PTPRD: variants seen among roughly 807,000 people sequenced by gnomAD.
PTPRD encodes protein tyrosine phosphatase receptor type D, also known as receptor-type tyrosine-protein phosphatase delta.
PTPRD carries 34 observed loss-of-function variants against 214.5 expected under a neutral mutation model. That is an observed-to-expected ratio of 0.16 (90% CI 0.12 to 0.21). PTPRD has a LOEUF of 0.21. Ranked by LOEUF, PTPRD falls within the 10% of genes least tolerant of loss-of-function variation. The pLI, the probability that PTPRD is intolerant of heterozygous loss-of-function variation, is 1.00. For missense variants in PTPRD, 2,545 were observed against 2,398.7 expected (o/e 1.06, Z -1.27); for synonymous variants, 1,128 against 845.7 (o/e 1.33, Z -5.79).
chr9:9,650,558 A>G (rs2096312390), intron 7 of PTPRD, among the ~76,000 whole-genome samples: 1 of 152,084 alleles, frequency 6.6e-6, no homozygotes, highest in South Asian at 2.1e-4. Flanking sequence ...TGGTATCAGG[A>G]TGATGCTGGC....
chr9:9,429,217 A>ATT (rs2082140990), intron 8 of PTPRD, among the ~76,000 whole-genome samples: 1 of 152,222 alleles, frequency 6.6e-6, no homozygotes, highest in Non-Finnish European at 1.5e-5. Flanking sequence ...GACAAAGGGG[A>ATT]TATCACCACT....
chr9:9,234,047 A>T (rs918596133), intron 9 of PTPRD, among the ~76,000 whole-genome samples: 10 of 152,072 alleles, frequency 6.6e-5, no homozygotes, highest in African/African-American at 2.4e-4. Flanking sequence ...CCAACCCCAC[A>T]TTTCCCTTCT....
intron 9 of PTPRD, among the ~76,000 whole-genome samples, chr9:9,249,222 T>A (rs1300670910): frequency 6.6e-6 from 1 of 151,962 alleles, no homozygotes; most frequent in Non-Finnish European, 1.5e-5. Context: ...CTCTCTCTTG[T>A]TTCCTTTCTC....
chr9:10,604,827 T>C (rs186795420), intron 2 of PTPRD, among the ~76,000 whole-genome samples: 2 of 151,894 alleles, frequency 1.3e-5, no homozygotes, highest in African/African-American at 4.8e-5. Context: ...ATGGGAAATA[T>C]TTTTTCTATA....
At chr9:8,464,210 T>C (rs573615551) in intron 32 of PTPRD, among the ~76,000 whole-genome samples, 1 of 152,070 alleles carries the variant, frequency 6.6e-6, no homozygotes, top group Admixed American at 6.6e-5. Context: ...TCTACCTCAA[T>C]GCTCTAAGTA....
At chr9:10,586,625 T>A (rs1318832203) in intron 2 of PTPRD, among the ~76,000 whole-genome samples, 1 of 152,076 alleles carries the variant, frequency 6.6e-6, no homozygotes, top group Non-Finnish European at 1.5e-5. Context: ...CAGGTTTGCT[T>A]GCGGGCATAA....
At chr9:10,378,558 A>T (rs941622716) in intron 2 of PTPRD, among the ~76,000 whole-genome samples, 11 of 151,998 alleles carry the variant, frequency 7.2e-5, no homozygotes, top group African/African-American at 1.9e-4. Context: ...TCCAAGAATC[A>T]TTTATTGAAG....
intron 3 of PTPRD, among the ~76,000 whole-genome samples, chr9:10,155,155 C>T (rs547491627): frequency 6.6e-6 from 1 of 152,190 alleles, no homozygotes; most frequent in East Asian, 1.9e-4. Flanking sequence ...TTCTAGAGCT[C>T]TTTCACCTAC....
In PTPRD at chr9:8,586,524, A is replaced by T. The variant is rs145653821; in HGVS notation, c.352+46793T>A. Among the ~76,000 whole-genome samples the T allele has an allele frequency of 5.0e-3, 766 of 152,290 alleles. 6 individuals carry two copies. The highest frequency in any genetic ancestry group is 0.016 in the African/African-American group (661 of 41,570). ...GGGATCAAAGGCAATTATCAAAAAAAGGGAACCTAACAGGCTGACTTGGTT... is the reference window on the plus strand; with the variant it reads ...GGGATCAAAGGCAATTATCAAAAAATGGGAACCTAACAGGCTGACTTGGTT... On this transcript the variant is annotated intron_variant, in intron 14 of 45. Transcript: ENST00000381196.
At chr9:9,175,548 G>C (rs113303872) in intron 10 of PTPRD, among the ~76,000 whole-genome samples, 10,373 of 149,118 alleles carry the variant, frequency 0.07, 403 homozygotes, top group Middle Eastern at 0.16. Flanking sequence ...GCTTGAACCT[G>C]GGAGATGGAG....
intron 3 of PTPRD, among the ~76,000 whole-genome samples, chr9:10,215,547 C>T (rs1470826653): frequency 6.6e-6 from 1 of 151,912 alleles, no homozygotes; most frequent in East Asian, 1.9e-4. Flanking sequence ...CTCCAACATA[C>T]CAGTGAGAAT....
chr9:9,495,213 A>AAAACT (rs2096118624), intron 8 of PTPRD, among the ~76,000 whole-genome samples: 2 of 151,952 alleles, frequency 1.3e-5, no homozygotes, highest in South Asian at 4.2e-4. Context: ...CTCAGAGAAG[A>AAAACT]AAACTGAAAT....
At chr9:8,507,062 G>C (rs1375737985) in intron 22 of PTPRD, among the ~76,000 whole-genome samples, 1 of 152,000 alleles carries the variant, frequency 6.6e-6, no homozygotes, top group Non-Finnish European at 1.5e-5. Context: ...ACAGGAACAA[G>C]AGTTATTTTG....
Position 9,447,233 on chromosome 9 carries a change from C to T in PTPRD, c.-236-49751G>A, listed in dbSNP as rs138895362. 6.6e-5 allele frequency among the ~76,000 whole-genome samples: 10 copies of T among 152,222 alleles called. No homozygotes were observed. The East Asian group carries it at 1.9e-3, about 30-fold the overall frequency. On this transcript the variant is annotated intron_variant, in intron 8 of 45. Transcript: ENST00000381196. ...ATGCACATGTATGTTCACTGCATCA[C>T]TATTCACAACGGCAAAGACATGGAA...
At chr9:9,284,032 T>C (rs939142170) in intron 9 of PTPRD, among the ~76,000 whole-genome samples, 10 of 151,730 alleles carry the variant, frequency 6.6e-5, no homozygotes, top group African/African-American at 2.4e-4. Flanking sequence ...AGTAGATTCC[T>C]TGGTATTTTA....
intron 2 of PTPRD, among the ~76,000 whole-genome samples, chr9:10,444,545 G>C (rs191030892): frequency 9.4e-4 from 143 of 151,908 alleles, no homozygotes; most frequent in African/African-American, 2.8e-3. Flanking sequence ...AGGAAACACA[G>C]TGGGATCTAC....
At chr9:9,674,406 GAAAGAAAA>G (rs1232560311) in intron 7 of PTPRD, among the ~76,000 whole-genome samples, 1 of 150,594 alleles carries the variant, frequency 6.6e-6, no homozygotes, top group South Asian at 2.1e-4. Context: ...ACATTAAATT[GAAAGAAAA>G]AAAGAAAAAA....
intron 6 of PTPRD, among the ~76,000 whole-genome samples, chr9:9,763,538 G>T (rs990289874): frequency 6.6e-6 from 1 of 151,940 alleles, no homozygotes; most frequent in Non-Finnish European, 1.5e-5. Flanking sequence ...ATTTATAAAA[G>T]GTTCCTTATT....
chr9:9,573,407 T>C (rs958970430), intron 8 of PTPRD, among the ~76,000 whole-genome samples: 2 of 150,220 alleles, frequency 1.3e-5, no homozygotes, highest in Non-Finnish European at 3.0e-5. Context: ...TACTCTAATG[T>C]TCTTTTTTTA....
Sources: allele counts gnomAD v4.1 joint callset (sites outside exome capture counted in the v4.1 genomes callset), GRCh38; gene constraint gnomAD v4.1.1; transcripts MANE v1.5; gene names NCBI Gene and HGNC (gene_info 2026-07-23, HGNC 2026-07-21).